HDGFL2: variants seen among roughly 807,000 people sequenced by gnomAD.
The protein encoded by HDGFL2 is HDGF like 2, also known as hepatoma-derived growth factor-related protein 2.
HDGFL2 carries 36 observed loss-of-function variants against 77.1 expected under a neutral mutation model. The observed-to-expected ratio is 0.47, with a 90% confidence interval of 0.36 to 0.62. The LOEUF is 0.62. Among genes scored for constraint, HDGFL2 ranks in the 20% least tolerant of loss-of-function variants. The probability of loss-of-function intolerance (pLI) is 0.00; values close to 1 mark genes in which losing one functional copy is unlikely to be tolerated. For synonymous variants in HDGFL2, 463 were observed against 413.1 expected (o/e 1.12, Z -1.46); for missense variants, 976 against 973.4 (o/e 1.00, Z -0.04).
intron 15 of HDGFL2, 88 bp from the exon 16 acceptor site, chr19:4,501,823 A>C: frequency 1.0e-6 from 1 of 970,326 alleles, no homozygotes. Context: ...ACGGGGGTAC[A>C]CTCCTCGGTG....
Position 4,499,688 on chromosome 19 carries a change from G to C in HDGFL2, c.1773G>C (p.Glu591Asp). 1 of 1,570,066 alleles carries C rather than the reference G, an allele frequency of 6.4e-7. No individual in the cohort carries two copies. The highest frequency in any genetic ancestry group is 8.6e-7 in the Non-Finnish European group (1 of 1,156,818). Residue 591 changes from glutamate (E) to aspartate (D), a missense_variant, in exon 14 of 16, where the codon GAG becomes GAC. By Grantham distance (45) the Glu-to-Asp change is conservative. This residue lies in a region of HDGFL2 where 229 missense variants were observed against 187.3 expected (regional missense o/e 1.22). Coordinates refer to ENST00000616600, the MANE Select transcript of HDGFL2 (RefSeq NM_001001520.3). ...AGEEAPQEKA[E>D]DKPSTDLSAP... is the part of the protein sequence containing the mutation. Reference sequence around the variant, plus strand: ...AGGAGGCCCCCCAGGAGAAGGCGGAGGACAAGCCCAGCACCGGTGAGGGGC... The same window carrying C: ...AGGAGGCCCCCCAGGAGAAGGCGGACGACAAGCCCAGCACCGGTGAGGGGC...
intron 4 of HDGFL2, 120 bp from the exon 5 acceptor site, chr19:4,491,446 C>G (rs1359853173): frequency 1.3e-6 from 1 of 777,504 alleles, no homozygotes; most frequent in African/African-American, 1.7e-5. Flanking sequence ...TCAGAGGGTT[C>G]CTGGCCCGCC....
Position 4,501,215 on chromosome 19 carries a change from A to T in HDGFL2, c.1814A>T (p.Glu605Val), listed in dbSNP as rs781533608. 1 of 1,613,582 alleles carries T rather than the reference A, an allele frequency of 6.2e-7. No homozygotes were observed. The highest frequency in any genetic ancestry group is 8.5e-7 in the Non-Finnish European group (1 of 1,179,954). ...STDLSAPVNG[E>V]ATSQKGESAE... is the part of the protein sequence containing the mutation. ...GATCTCTCAGCCCCAGTGAATGGCG[A>T]GGCCACATCACAGAAGGGGGAGAGC... is the stretch of plus-strand genomic sequence containing the variant. Residue 605 changes from glutamate to valine, a missense_variant, in exon 15 of 16, where the codon GAG becomes GTG. Physicochemically the swap from Glu to Val is moderately radical, Grantham distance 121. Coordinates refer to ENST00000616600, the MANE Select transcript of HDGFL2 (RefSeq NM_001001520.3).
chr19:4,473,691 G>C (rs1449483574), intron 1 of HDGFL2, among the ~76,000 whole-genome samples: 1 of 150,796 alleles, frequency 6.6e-6, no homozygotes, highest in Non-Finnish European at 1.5e-5. Flanking sequence ...TGAGGGGCTG[G>C]GGGTGGGGGA....
chr19:4,499,549 G>T lies in HDGFL2; in HGVS notation c.1634G>T (p.Arg545Leu). Residue 545 changes from arginine to leucine, a missense_variant, in exon 14 of 16, where the codon CGG becomes CTG. This residue lies in a region of HDGFL2 where 229 missense variants were observed against 187.3 expected (regional missense o/e 1.22). Coordinates refer to ENST00000616600, the MANE Select transcript of HDGFL2 (RefSeq NM_001001520.3). ...VMEKAAEVYT[R>L]LKSRVLGPKI... ...GAGAAGGCAGCAGAAGTCTATACCC[G>T]GCTCAAGTCGCGGGTCCTCGGCCCA... The T allele has an allele frequency of 1.9e-6, 3 of 1,613,834 alleles. No homozygotes were observed. Among genetic ancestry groups the T allele is most frequent in the South Asian group, 1.1e-5 (1 of 91,024 alleles).
chr19:4,498,873 G>A lies in HDGFL2; in HGVS notation c.1533G>A (p.Gln511=). 2 of 1,612,234 alleles carry A rather than the reference G, an allele frequency of 1.2e-6. No individual in the cohort carries two copies. Among genetic ancestry groups the A allele is most frequent in the Non-Finnish European group, 1.7e-6 (2 of 1,179,124 alleles). Reference sequence around the variant, plus strand: ...TGGGAACCCTGCAGGTGACCTCTCAGATCCTCCAGAAGAACACAGACGTGG... The same window carrying A: ...TGGGAACCCTGCAGGTGACCTCTCAAATCCTCCAGAAGAACACAGACGTGG... ...EELGTLQVTS[Q]ILQKNTDVVA... is the part of the protein sequence containing the mutation. The change falls in exon 13 of 16, where the codon CAG becomes CAA. Residue 511 remains glutamine, a synonymous_variant. Transcript: ENST00000616600.
At chr19:4,480,319 C>G (rs1468945070) in intron 3 of HDGFL2, among the ~76,000 whole-genome samples, 1 of 152,164 alleles carries the variant, frequency 6.6e-6, no homozygotes, top group African/African-American at 2.4e-5. Flanking sequence ...TCCCAGATCC[C>G]CTGACTCCCT....
chr19:4,494,911 C>A (rs1057512506), intron 9 of HDGFL2, among the ~76,000 whole-genome samples: 3 of 151,836 alleles, frequency 2.0e-5, no homozygotes, highest in Non-Finnish European at 4.4e-5. Context: ...CACAGCAAGA[C>A]CCTGTCTCAA....
chr19:4,493,681 G>A, intron 6 of HDGFL2, 22 bp from the exon 7 acceptor site: 6 of 1,440,956 alleles, frequency 4.2e-6, no homozygotes, highest in South Asian at 1.5e-5. Context: ...TGATGCTCAC[G>A]CCTGTCCCTG....
At chr19:4,488,261 G>A (rs1599711472) in intron 3 of HDGFL2, among the ~76,000 whole-genome samples, 2 of 152,296 alleles carry the variant, frequency 1.3e-5, no homozygotes, top group East Asian at 3.9e-4. Flanking sequence ...GTGAGCCTCC[G>A]CGCCCGGCCA....
In HDGFL2 at chr19:4,494,178, G is replaced by C. The variant is rs866430061; in HGVS notation, c.927G>C (p.Glu309Asp). Residue 309 changes from glutamate (E) to aspartate (D), a missense_variant, in exon 9 of 16, where the codon GAG (glutamate) becomes GAC (aspartate). Physicochemically the swap from Glu to Asp is conservative, Grantham distance 45 (BLOSUM62 2). Around this residue, in one of 5 missense-constraint regions of HDGFL2, gnomAD observed 567 missense variants for 534.7 expected, o/e 1.06. Transcript: ENST00000616600. ...CCTCCGCCTCCAGTGACAGCGACGA[G>C]GTGGACCGCATCAGTGAGTGGAAGC... ...SSSSSDSDSD[E>D]VDRISEWKRR... The C allele has an allele frequency of 1.1e-5, 16 of 1,495,274 alleles. No individual in the cohort carries two copies. Among genetic ancestry groups the C allele is most frequent in the African/African-American group, 1.4e-5 (1 of 70,472 alleles). The allele number at this position is 1,495,274 out of a possible 1,614,324, so 92.6% of individuals were successfully genotyped here. A position where few individuals can be genotyped will look rare whatever the true frequency, so the allele number is the denominator to read the frequency against.
chr19:4,474,478 A>C (rs1225916084), intron 1 of HDGFL2, among the ~76,000 whole-genome samples: 2 of 151,992 alleles, frequency 1.3e-5, no homozygotes, highest in Non-Finnish European at 2.9e-5. Context: ...CCCAAGCGAG[A>C]AGGAAGCTGG....
intron 6 of HDGFL2, among the ~76,000 whole-genome samples, chr19:4,493,034 G>A (rs946663943): frequency 6.1e-5 from 8 of 130,204 alleles, no homozygotes; most frequent in Non-Finnish European, 9.7e-5. Context: ...ATCTGTGTGT[G>A]GTGTGTGGTA....
intron 11 of HDGFL2, 92 bp from the exon 12 acceptor site, chr19:4,498,214 A>T: frequency 7.6e-7 from 1 of 1,315,774 alleles, no homozygotes; most frequent in Non-Finnish European, 1.1e-6. Context: ...CCCCATGACA[A>T]ATCCTCCAGA....
In HDGFL2 at chr19:4,494,073, G is replaced by T. The variant is rs768992443; in HGVS notation, c.914+16G>T. ...GCAGTGACAGGTGGGTGCTGGGGCT[G>T]GGGTCCCCTCTGGCGGCTCCTCCAT... is the stretch of plus-strand genomic sequence containing the variant. On this transcript the variant is annotated intron_variant, in intron 8 of 15. Coordinates refer to ENST00000616600, the MANE Select transcript of HDGFL2 (RefSeq NM_001001520.3). 2 of 1,588,552 alleles carry T rather than the reference G, an allele frequency of 1.3e-6. No homozygotes were observed. Among genetic ancestry groups the T allele is most frequent in the Non-Finnish European group, 8.6e-7 (1 of 1,168,036 alleles).
intron 6 of HDGFL2, among the ~76,000 whole-genome samples, 187 bp from the exon 7 acceptor site, chr19:4,493,516 T>C (rs1467593520): frequency 1.3e-5 from 2 of 151,932 alleles, no homozygotes; most frequent in Admixed American, 1.3e-4. Flanking sequence ...CAGGGCCGCC[T>C]GGGATCCCGG....
rs568443961 is a variant in HDGFL2 at position 4,498,002 on chromosome 19, C to T, written c.1373C>T (p.Ser458Leu). 4.6e-5 allele frequency: 71 copies of T among 1,556,618 alleles called. No individual in the cohort carries two copies. Among genetic ancestry groups the T allele is most frequent in the Admixed American group, 4.3e-4 (22 of 51,422 alleles). ...ACCCGGAAGCGGTCCGAGGGCTTCT[C>T]GATGGACAGGAAGGTAGAGAAGAAG... ...ERTRKRSEGF[S>L]MDRKVEKKKE... Residue 458 changes from serine to leucine, a missense_variant, in exon 11 of 16, where the codon TCG (serine) becomes TTG (leucine). Around this residue, in one of 5 missense-constraint regions of HDGFL2, gnomAD observed 567 missense variants for 534.7 expected, o/e 1.06. Coordinates refer to ENST00000616600, the MANE Select transcript of HDGFL2 (RefSeq NM_001001520.3).
chr19:4,491,249 A>ACACCCCCCCCCCC (rs1975499281), intron 4 of HDGFL2, among the ~76,000 whole-genome samples: 1 of 39,474 alleles, frequency 2.5e-5, no homozygotes. Flanking sequence ...CACTCCCACC[A>ACACCCCCCCCCCC]CCCACCCCCC....
rs980333684 is a variant in HDGFL2 at position 4,492,414 on chromosome 19, C to T, written c.678+579C>T. Among the ~76,000 whole-genome samples the T allele has an allele frequency of 5.3e-5, 8 of 151,202 alleles. No individual in the cohort carries two copies. In the East Asian group the frequency reaches 7.8e-4, roughly 15 times the overall value. ...GTGTGTGTGCTGTACCTCTCCTCTG[C>T]GTCTATGTGTTGTGCCTCTGTGTTC... On this transcript the variant is annotated intron_variant, in intron 6 of 15. Transcript: ENST00000616600.
Sources: allele counts gnomAD v4.1 joint callset (sites outside exome capture counted in the v4.1 genomes callset), GRCh38; gene constraint gnomAD v4.1.1; regional missense constraint gnomAD v4.1.1; transcripts MANE v1.5; gene names NCBI Gene and HGNC (gene_info 2026-07-23, HGNC 2026-07-21).